KDELR2: variants seen among roughly 807,000 people sequenced by gnomAD.
KDELR2 encodes KDEL endoplasmic reticulum protein retention receptor 2, also known as ER lumen protein-retaining receptor 2.
In KDELR2, 15 loss-of-function variants were observed where a neutral mutation model predicts 23.9. That is an observed-to-expected ratio of 0.63 (90% CI 0.42 to 0.97). KDELR2 has a LOEUF of 0.97. Ranked by LOEUF, KDELR2 falls within the 50% of genes least tolerant of loss-of-function variation. The probability of loss-of-function intolerance (pLI) is 0.00; values close to 1 mark genes in which losing one functional copy is unlikely to be tolerated. For synonymous variants in KDELR2, 119 were observed against 106.2 expected (o/e 1.12, Z -0.74); for missense variants, 272 against 254.6 (o/e 1.07, Z -0.46).
At chr7:6,481,193 A>C (rs1024776410) in intron 1 of KDELR2, among the ~76,000 whole-genome samples, 1 of 151,932 alleles carries the variant, frequency 6.6e-6, no homozygotes, top group African/African-American at 2.4e-5. Context: ...ACATGGTGAA[A>C]CTCTGTCTCT....
intron 3 of KDELR2, 26 bp from the exon 4 acceptor site, chr7:6,466,349 T>C (rs753085274): frequency 1.1e-5 from 18 of 1,608,700 alleles, no homozygotes; most frequent in Non-Finnish European, 1.5e-5. Context: ...CAAGCTTCCA[T>C]CACGACCCAC....
chr7:6,466,136 G>A lies in KDELR2; in HGVS notation c.539C>T (p.Ala180Val). The part of the protein sequence containing the change: ...FYFEGFFDLI[A>V]VVAGVVQTIL... ...GGTCTGGACTACGCCGGCCACCACA[G>A]CAATGAGGTCAAAGAAGCCCTCAAA... is the stretch of plus-strand genomic sequence containing the variant. The change falls in exon 4 of 5, where the codon GCT (alanine) becomes GTT (valine). Residue 180 changes from alanine to valine, a missense_variant. By Grantham distance (64) the Ala-to-Val change is moderately conservative. Coordinates refer to ENST00000258739, the MANE Select transcript of KDELR2 (RefSeq NM_006854.4). The A allele has an allele frequency of 3.7e-6, 6 of 1,614,148 alleles. No homozygotes were observed. The highest frequency in any genetic ancestry group is 4.2e-6 in the Non-Finnish European group (5 of 1,180,010).
At chr7:6,478,555 T>C (rs1785805732) in intron 1 of KDELR2, among the ~76,000 whole-genome samples, 1 of 152,220 alleles carries the variant, frequency 6.6e-6, no homozygotes, top group African/African-American at 2.4e-5. Flanking sequence ...GCTGGGTTTT[T>C]ATTTGTAGGA....
intron 1 of KDELR2, among the ~76,000 whole-genome samples, chr7:6,475,179 A>G (rs896958517): frequency 1.3e-5 from 2 of 152,328 alleles, no homozygotes; most frequent in African/African-American, 4.8e-5. Context: ...CATAGTGGTC[A>G]TGCCTATAAT....
chr7:6,480,620 TG>T (rs947723521), intron 1 of KDELR2, among the ~76,000 whole-genome samples: 1 of 152,082 alleles, frequency 6.6e-6, no homozygotes, highest in African/African-American at 2.4e-5. Flanking sequence ...AAAAGCACCA[TG>T]GTTCCGAGAC....
chr7:6,464,380 G>A (rs1223210702), intron 4 of KDELR2, among the ~76,000 whole-genome samples: 1 of 151,972 alleles, frequency 6.6e-6, no homozygotes, highest in African/African-American at 2.4e-5. Flanking sequence ...TTAGCCGGGC[G>A]TGGTGGTGCG....
At chr7:6,467,473 A>G (rs1453655494) in intron 3 of KDELR2, among the ~76,000 whole-genome samples, 1 of 152,184 alleles carries the variant, frequency 6.6e-6, no homozygotes, top group Non-Finnish European at 1.5e-5. Flanking sequence ...TTAAAAGTCC[A>G]GGCATGGCTG....
At chr7:6,474,735 C>G (rs571248391) in intron 1 of KDELR2, among the ~76,000 whole-genome samples, 6 of 152,192 alleles carry the variant, frequency 3.9e-5, no homozygotes, top group Non-Finnish European at 8.8e-5. Context: ...CACGATCAAG[C>G]TCACTGTAGC....
chr7:6,469,811 C>A (rs891237956), intron 2 of KDELR2, 57 bp from the exon 3 acceptor site: 1 of 1,448,218 alleles, frequency 6.9e-7, no homozygotes, highest in Admixed American at 2.5e-5. Context: ...TCCAGCACCC[C>A]CCAGCTTTTT....
At chr7:6,479,988 T>C (rs1785853781) in intron 1 of KDELR2, among the ~76,000 whole-genome samples, 1 of 152,186 alleles carries the variant, frequency 6.6e-6, no homozygotes, top group African/African-American at 2.4e-5. Flanking sequence ...ACTCCAAAAA[T>C]ATCAACTGTC....
In KDELR2 at chr7:6,474,277, A is replaced by G. The variant is rs747384596; in HGVS notation, c.99T>C (p.Ser33=). 6.2e-7 allele frequency: 1 copy of G among 1,608,222 alleles called. No homozygotes were observed. Among genetic ancestry groups the G allele is most frequent in the Non-Finnish European group, 8.5e-7 (1 of 1,174,634 alleles). ...IWKTRSCAGI[S]GKSQLLFALV... ...GTGCAAACAGAAGCTGGCTTTTCCCAGAAATACCTAGAGAAACAGAAGGGA... is the reference window on the plus strand; with the variant it reads ...GTGCAAACAGAAGCTGGCTTTTCCCGGAAATACCTAGAGAAACAGAAGGGA... The change falls in exon 2 of 5, where the codon TCT becomes TCC. Residue 33 remains serine, a synonymous_variant. Coordinates refer to ENST00000258739, the MANE Select transcript of KDELR2 (RefSeq NM_006854.4).
chr7:6,469,723 A>G lies in KDELR2; in HGVS notation c.224T>C (p.Val75Ala). ...VIYLACSYAT[V>A]YLIYLKFKAT... ...CTTAAATTTCAGGTAGATCAGGTAC[A>G]CTGTGGCATAGGAGCAGGCAAGGTA... The change falls in exon 3 of 5, where the codon GTG becomes GCG. Residue 75 changes from valine (V) to alanine (A), a missense_variant. Val to Ala is a moderately conservative substitution (Grantham distance 64, BLOSUM62 0). Coordinates refer to ENST00000258739, the MANE Select transcript of KDELR2 (RefSeq NM_006854.4). The G allele has an allele frequency of 1.2e-6, 2 of 1,614,110 alleles. No individual in the cohort carries two copies. The highest frequency in any genetic ancestry group is 2.2e-5 in the East Asian group (1 of 44,890).
chr7:6,463,914 AG>A (rs1301554178), intron 4 of KDELR2, among the ~76,000 whole-genome samples: 56 of 121,026 alleles, frequency 4.6e-4, no homozygotes, highest in Non-Finnish European at 6.0e-4. Flanking sequence ...TACAAAAATT[AG>A]GCTGGGCACA....
chr7:6,484,109 G>A lies in KDELR2; in HGVS notation c.-52C>T, dbSNP rs904411686. 13 of 1,251,424 alleles carry A rather than the reference G, an allele frequency of 1.0e-5. No individual in the cohort carries two copies. Among genetic ancestry groups the A allele is most frequent in the South Asian group, 2.6e-5 (1 of 38,810 alleles). The allele number at this position is 1,251,424 out of a possible 1,614,324, so 77.5% of individuals were successfully genotyped here. On this transcript the variant is annotated 5_prime_UTR_variant, in exon 1 of 5. Coordinates refer to ENST00000258739, the MANE Select transcript of KDELR2 (RefSeq NM_006854.4). Reference sequence around the variant, plus strand: ...CAGCGCGGCGGCCCCGGGGCTGGGCGGCTCAGGAGGCGGCGGCCCCTGAGA... The same window carrying A: ...CAGCGCGGCGGCCCCGGGGCTGGGCAGCTCAGGAGGCGGCGGCCCCTGAGA...
At chr7:6,482,038 C>A (rs1254242351) in intron 1 of KDELR2, among the ~76,000 whole-genome samples, 2 of 151,160 alleles carry the variant, frequency 1.3e-5, no homozygotes, top group African/African-American at 4.9e-5. Context: ...GTTTCGCTCT[C>A]GTTGCCCAGG....
chr7:6,477,291 GA>G lies in KDELR2; in HGVS notation c.92-3008del, dbSNP rs1268400268. ...CTGTTCTTCCCCAGCCTGAGATCCT[GA>G]TTAGGAAGTAGCAGCTTCTTCCTTT... On this transcript the variant is annotated intron_variant, in intron 1 of 4. Coordinates refer to ENST00000258739, the MANE Select transcript of KDELR2 (RefSeq NM_006854.4). Among the ~76,000 whole-genome samples the G allele has an allele frequency of 2.4e-4, 37 of 152,308 alleles. 2 individuals are homozygous for G. The East Asian group carries it at 6.7e-3, about 28-fold the overall frequency.
chr7:6,480,439 T>C (rs55832126), intron 1 of KDELR2, among the ~76,000 whole-genome samples: 23,539 of 152,154 alleles, frequency 0.15, 2,077 homozygotes, highest in Non-Finnish European at 0.2. Flanking sequence ...CACCCTTCTG[T>C]AATGACAACA....
At chr7:6,479,754 G>A (rs1372328091) in intron 1 of KDELR2, among the ~76,000 whole-genome samples, 1 of 152,230 alleles carries the variant, frequency 6.6e-6, no homozygotes, top group Non-Finnish European at 1.5e-5. Context: ...TAGGATTACA[G>A]GCGTGAGCCA....
rs1370970621 is a variant in KDELR2 at position 6,466,070 on chromosome 7, C to T, written c.604+1G>A. On this transcript the variant is annotated splice_donor_variant, in intron 4 of 4. Transcript: ENST00000258739. LOFTEE classifies it high-confidence loss of function. The stretch of plus-strand genomic sequence containing the variant: ...AACAACGCAGGTCGCACCCAACATA[C>T]CTTTTGTAATGTACAAGTAGAAGAA... The T allele has an allele frequency of 1.9e-6, 3 of 1,613,848 alleles. No individual in the cohort carries two copies. The highest frequency in any genetic ancestry group is 2.2e-5 in the South Asian group (2 of 91,040).
Sources: gnomAD v4.1 joint callset for allele counts (sites outside exome capture counted in the v4.1 genomes callset) on GRCh38, gnomAD v4.1.1 for gene constraint, MANE v1.5 for transcripts, NCBI Gene and HGNC (gene_info 2026-07-23, HGNC 2026-07-21) for gene names.